Variants in UEVLD observed in about 807,000 individuals in gnomAD.
The protein encoded by UEVLD is UEV and lactate/malate dehyrogenase domains, also known as ubiquitin-conjugating enzyme E2 variant 3.
UEVLD carries 47 observed loss-of-function variants against 58.6 expected under a neutral mutation model. That is an observed-to-expected ratio of 0.80 (90% CI 0.63 to 1.02). The LOEUF (loss-of-function observed/expected upper bound fraction) is 1.02. UEVLD is among the 50% of genes least tolerant of loss of function. The pLI is 0.00. For synonymous variants in UEVLD, 197 were observed against 195.3 expected (o/e 1.01, Z -0.07); for missense variants, 510 against 550.6 (o/e 0.93, Z 0.74).
intron 1 of UEVLD, among the ~76,000 whole-genome samples, chr11:18,584,897 C>T (rs2134078839): frequency 6.6e-6 from 1 of 152,254 alleles, no homozygotes; most frequent in African/African-American, 2.4e-5. Flanking sequence ...TCCTAATGTG[C>T]TGGGATTACA....
chr11:18,545,461 T>C (rs1301437239), intron 8 of UEVLD, among the ~76,000 whole-genome samples: 1 of 151,394 alleles, frequency 6.6e-6, no homozygotes, highest in Non-Finnish European at 1.5e-5. Flanking sequence ...TGTTTGTTTT[T>C]TGAGATGGAG....
In UEVLD at chr11:18,546,877, T is replaced by C. The variant is rs115670128; in HGVS notation, c.886+3A>G. The C allele has an allele frequency of 1.2e-5, 19 of 1,611,604 alleles. No homozygotes were observed. The African/African-American group carries it at 2.5e-4, about 22-fold the overall frequency. Reference sequence around the variant, plus strand: ...CAACTTAATTTAAAATAAAGCATTTTACCTGGTTGAGATGCAACGAGCAGG... The same window carrying C: ...CAACTTAATTTAAAATAAAGCATTTCACCTGGTTGAGATGCAACGAGCAGG... On this transcript the variant is annotated splice_donor_region_variant and intron_variant, in intron 8 of 11. Transcript: ENST00000396197.
chr11:18,586,419 G>T (rs988793791), intron 1 of UEVLD, among the ~76,000 whole-genome samples: 2 of 152,092 alleles, frequency 1.3e-5, no homozygotes, highest in Admixed American at 1.3e-4. Context: ...GTTTCACCAT[G>T]TTGGACAGGC....
chr11:18,563,631 G>A (rs4757672), intron 6 of UEVLD: 170,249 of 952,758 alleles, frequency 0.18, 15,600 homozygotes, highest in East Asian at 0.25. Context: ...AAATTCAGAT[G>A]AGAAAACAAG....
intron 2 of UEVLD, 94 bp from the exon 3 acceptor site, chr11:18,575,506 A>C: frequency 1.7e-6 from 2 of 1,155,762 alleles, no homozygotes; most frequent in South Asian, 1.4e-5. Flanking sequence ...GTGCTCATGA[A>C]TATACACACA....
At chr11:18,541,952 A>G (rs1402093647) in intron 9 of UEVLD, among the ~76,000 whole-genome samples, 2 of 152,134 alleles carry the variant, frequency 1.3e-5, no homozygotes, top group Non-Finnish European at 2.9e-5. Context: ...TCCCTAAAAC[A>G]AAATGTAATA....
At chr11:18,559,945 A>C (rs1028188874) in intron 6 of UEVLD, among the ~76,000 whole-genome samples, 4 of 152,140 alleles carry the variant, frequency 2.6e-5, no homozygotes, top group Non-Finnish European at 4.4e-5. Context: ...ACTATCAGAC[A>C]GAAAGTGTGA....
chr11:18,557,140 G>A (rs1044616199), intron 7 of UEVLD, among the ~76,000 whole-genome samples: 5 of 150,090 alleles, frequency 3.3e-5, no homozygotes, highest in South Asian at 2.1e-4. Flanking sequence ...CATTTCAAAC[G>A]TTTTGTTTTT....
intron 10 of UEVLD, among the ~76,000 whole-genome samples, chr11:18,534,740 C>T (rs1850715155): frequency 6.6e-6 from 1 of 152,078 alleles, no homozygotes; most frequent in Non-Finnish European, 1.5e-5. Context: ...ATTTGCCTAT[C>T]GATAATTGGC....
At chr11:18,539,475 G>C (rs1850966547) in intron 9 of UEVLD, among the ~76,000 whole-genome samples, 1 of 152,190 alleles carries the variant, frequency 6.6e-6, no homozygotes, top group Admixed American at 6.5e-5. Flanking sequence ...TTAGATAGAA[G>C]GGTGATAGGT....
intron 7 of UEVLD, among the ~76,000 whole-genome samples, chr11:18,547,888 A>C (rs1348669962): frequency 6.6e-6 from 1 of 152,146 alleles, no homozygotes; most frequent in Non-Finnish European, 1.5e-5. Context: ...TCTACTCTAA[A>C]GAGTAGTTCA....
chr11:18,575,331 C>T lies in UEVLD; in HGVS notation c.193+16G>A. 1 of 1,585,790 alleles carries T rather than the reference C, an allele frequency of 6.3e-7. No individual in the cohort carries two copies. On this transcript the variant is annotated intron_variant, in intron 3 of 11. Coordinates refer to ENST00000396197, the MANE Select transcript of UEVLD (RefSeq NM_001040697.4). ...CTTTTAGAAAACTCACACATTTTTT[C>T]AACTTCCACACTTACCCTGATACAT...
At chr11:18,553,090 G>A (rs1851602066) in intron 7 of UEVLD, among the ~76,000 whole-genome samples, 1 of 147,592 alleles carries the variant, frequency 6.8e-6, no homozygotes, top group Non-Finnish European at 1.5e-5. Context: ...AGGAGACAGA[G>A]GTTGCAGTGA....
intron 1 of UEVLD, 37 bp from the exon 2 acceptor site, chr11:18,578,845 G>T: frequency 1.4e-6 from 2 of 1,452,296 alleles, no homozygotes; most frequent in Non-Finnish European, 9.4e-7. Flanking sequence ...TAAGAATAAA[G>T]CTGTAAGCAA....
At chr11:18,586,653 G>A (rs376522548) in intron 1 of UEVLD, among the ~76,000 whole-genome samples, 1 of 152,024 alleles carries the variant, frequency 6.6e-6, no homozygotes, top group Admixed American at 6.6e-5. Context: ...CTCAAGTAGC[G>A]GGGACTACAG....
chr11:18,568,872 C>T (rs1447900821), intron 4 of UEVLD, among the ~76,000 whole-genome samples: 1 of 152,076 alleles, frequency 6.6e-6, no homozygotes, highest in African/African-American at 2.4e-5. Flanking sequence ...GTCCTCCAGC[C>T]CTACTAGCTT....
In UEVLD at chr11:18,570,321, G is replaced by A. The variant is rs150966697; in HGVS notation, c.250C>T (p.Pro84Ser). 34 of 1,583,538 alleles carry A rather than the reference G, an allele frequency of 2.1e-5. No individual in the cohort carries two copies. In the African/African-American group the frequency reaches 3.0e-4, roughly 14 times the overall value. The stretch of plus-strand genomic sequence containing the variant: ...GTTGGCTTCAAGAAGCAAATAGGGG[G>A]AGCGAAAGGGTGAGAATCCAAAATC... Reference protein sequence around the residue: ...FWILDSHPFAPPICFLKPTAN... With the variant: ...FWILDSHPFASPICFLKPTAN... The change falls in exon 4 of 12, where the codon CCC (proline) becomes TCC (serine). Residue 84 changes from proline (P) to serine (S), a missense_variant. Transcript: ENST00000396197.
At chr11:18,552,894 C>G (rs12225037) in intron 7 of UEVLD, among the ~76,000 whole-genome samples, 8 of 150,514 alleles carry the variant, frequency 5.3e-5, no homozygotes, top group South Asian at 4.2e-4. Flanking sequence ...GGTGGCTCAC[C>G]CCTGTAATCC....
chr11:18,548,709 G>A (rs1851398468), intron 7 of UEVLD, among the ~76,000 whole-genome samples: 2 of 152,194 alleles, frequency 1.3e-5, no homozygotes, highest in South Asian at 4.1e-4. Context: ...TTACAGGCGT[G>A]AGCCACCGCA....
Sources: gnomAD v4.1 joint callset for allele counts (sites outside exome capture counted in the v4.1 genomes callset) on GRCh38, gnomAD v4.1.1 for gene constraint, MANE v1.5 for transcripts, NCBI Gene and HGNC (gene_info 2026-07-23, HGNC 2026-07-21) for gene names.